KIRREL3: variants seen among roughly 807,000 people sequenced by gnomAD.
The protein encoded by KIRREL3 is kin of IRRE-like protein 3.
A neutral mutation model predicts 89.7 loss-of-function variants in KIRREL3; 36 were observed. That is an observed-to-expected ratio of 0.40 (90% CI 0.31 to 0.53). The LOEUF is 0.53. Among genes scored for constraint, KIRREL3 ranks in the 20% least tolerant of loss-of-function variants. KIRREL3 has a pLI of 0.49. For synonymous variants in KIRREL3, 445 were observed against 441.4 expected, an observed-to-expected ratio of 1.01 and a Z score of -0.10; for missense variants, 864 against 1,056.6, an observed-to-expected ratio of 0.82 and a Z score of 2.53.
Position 126,830,913 on chromosome 11 carries a change from C to G in KIRREL3, c.55+169542G>C, listed in dbSNP as rs117765996. ...GATGTTGCTTTATGGGCAAGGGGTA[C>G]GGCCACATATGCCTTCATTGATGTG... On this transcript the variant is annotated intron_variant, in intron 1 of 16. Coordinates refer to ENST00000525144, the MANE Select transcript of KIRREL3 (RefSeq NM_032531.4). The surrounding 1 kb of genome is among the most constrained non-coding windows in gnomAD (Gnocchi z 4.9). Among the ~76,000 whole-genome samples, 1 of 152,092 alleles carries G rather than the reference C, an allele frequency of 6.6e-6. No homozygotes were observed. The highest frequency in any genetic ancestry group is 1.5e-5 in the Non-Finnish European group (1 of 68,024).
intron 1 of KIRREL3, among the ~76,000 whole-genome samples, chr11:126,670,958 A>G (rs1945914708): frequency 6.6e-6 from 1 of 152,216 alleles, no homozygotes; most frequent in African/African-American, 2.4e-5. Context: ...TCAAGACAGT[A>G]TAATACTGGT....
chr11:126,452,227 C>T lies in KIRREL3; in HGVS notation c.849-3070G>A, dbSNP rs374116687. On this transcript the variant is annotated intron_variant, in intron 7 of 16. Coordinates refer to ENST00000525144, the MANE Select transcript of KIRREL3 (RefSeq NM_032531.4). ...AGAGCAAACCATATCTCCCTTAGAG[C>T]TTAAGGAGCTTCCCAACAAACCATT... 1.2e-4 allele frequency among the ~76,000 whole-genome samples: 19 copies of T among 152,368 alleles called. No homozygotes were observed. In the East Asian group the frequency reaches 3.1e-3, roughly 25 times the overall value.
intron 4 of KIRREL3, among the ~76,000 whole-genome samples, chr11:126,482,169 G>T: frequency 6.6e-6 from 1 of 152,208 alleles, no homozygotes; most frequent in Non-Finnish European, 1.5e-5. Flanking sequence ...CTCCTGAGTA[G>T]CTGGGATTAC....
rs746537426 is a variant in KIRREL3, at chr11:126,449,026, C to T, written c.980G>A (p.Arg327His). Reference protein sequence around the residue: ...TNALGSTNLSRTVDVYFGPRM... With the variant: ...TNALGSTNLSHTVDVYFGPRM... ...GCACTCACAGTAGACGTCAACCGTG[C>T]GGCTGAGGTTGGTGCTGCCCAGGGC... Residue 327 changes from arginine to histidine, a missense_variant, in exon 8 of 17, where the codon CGC becomes CAC. Transcript: ENST00000525144. 18 of 1,611,618 alleles carry T rather than the reference C, an allele frequency of 1.1e-5. 1 individual carries two copies. Among genetic ancestry groups the T allele is most frequent in the African/African-American group, 4.0e-5 (3 of 74,876 alleles).
intron 1 of KIRREL3, among the ~76,000 whole-genome samples, chr11:126,910,338 A>G (rs1430337381): frequency 1.3e-5 from 2 of 152,158 alleles, no homozygotes; most frequent in African/African-American, 4.8e-5. Context: ...GAGAGAAGGG[A>G]TCACTGGGGG....
At chr11:126,502,862 C>T (rs146181957) in intron 4 of KIRREL3, among the ~76,000 whole-genome samples, 6 of 152,270 alleles carry the variant, frequency 3.9e-5, no homozygotes, top group Admixed American at 1.3e-4. Context: ...CACCTGCCTT[C>T]GCCTTAATTA....
At position 126,797,566 on chromosome 11, in the gene KIRREL3, T is replaced by C. The variant is rs1396971316; in HGVS notation, c.55+202889A>G. Among the ~76,000 whole-genome samples, 1 of 152,104 alleles carries C rather than the reference T, an allele frequency of 6.6e-6. No homozygotes were observed. Among genetic ancestry groups the C allele is most frequent in the Non-Finnish European group, 1.5e-5 (1 of 68,010 alleles). On this transcript the variant is annotated intron_variant, in intron 1 of 16. Transcript: ENST00000525144. The surrounding 1 kb of genome is among the most constrained non-coding windows in gnomAD (Gnocchi z 4.9). ...GGGCACTAGAGTTTTATTAGTGGCT[T>C]ACCATGGCACTTAGTCCCAATCTAC...
At chr11:126,595,313 T>G (rs1942344175) in intron 1 of KIRREL3, among the ~76,000 whole-genome samples, 1 of 152,150 alleles carries the variant, frequency 6.6e-6, no homozygotes, top group Non-Finnish European at 1.5e-5. Context: ...GCTCCAGAGA[T>G]CCGGAGCTGA....
intron 1 of KIRREL3, among the ~76,000 whole-genome samples, chr11:126,584,536 G>C (rs184183675): frequency 6.6e-6 from 1 of 152,184 alleles, no homozygotes; most frequent in Non-Finnish European, 1.5e-5. Context: ...GGGTATGACC[G>C]AGCCTGGCTG....
At chr11:126,935,535 A>G (rs1031208629) in intron 1 of KIRREL3, 9 of 152,202 alleles carry the variant, frequency 5.9e-5, no homozygotes, top group African/African-American at 2.2e-4. Flanking sequence ...CAACTGGAAT[A>G]TTATTTGGTG....
At chr11:126,880,114 T>G (rs1286419741) in intron 1 of KIRREL3, among the ~76,000 whole-genome samples, 3 of 152,230 alleles carry the variant, frequency 2.0e-5, no homozygotes, top group African/African-American at 7.2e-5. Flanking sequence ...GTGCGAATTA[T>G]CCTTAAGTAT....
rs1947073241 is a variant in KIRREL3 at position 126,917,159 on chromosome 11, A to T, written c.55+83296T>A. 6.6e-6 allele frequency among the ~76,000 whole-genome samples: 1 copy of T among 152,236 alleles called. No homozygotes were observed. Among genetic ancestry groups the T allele is most frequent in the South Asian group, 2.1e-4 (1 of 4,828 alleles). On this transcript the variant is annotated intron_variant, in intron 1 of 16. Transcript: ENST00000525144. The surrounding 1 kb of genome is among the most constrained non-coding windows in gnomAD (Gnocchi z 5.0). ...CATTCTGATACACAGTATGTTAAAG[A>T]TTCACCTTGAAAATATTATGCTAAA...
intron 1 of KIRREL3, among the ~76,000 whole-genome samples, chr11:126,621,365 T>G (rs560040940): frequency 7.2e-5 from 11 of 152,308 alleles, no homozygotes; most frequent in African/African-American, 2.6e-4. Flanking sequence ...AAAATCAGGT[T>G]CCTCCAGGAA....
rs576273846 is a variant in KIRREL3 at position 126,527,769 on chromosome 11, C to T, written c.134-1082G>A. Among the ~76,000 whole-genome samples, 6 of 152,142 alleles carry T rather than the reference C, an allele frequency of 3.9e-5. No individual in the cohort carries two copies. The highest frequency in any genetic ancestry group is 2.1e-4 in the South Asian group (1 of 4,806). On this transcript the variant is annotated intron_variant, in intron 2 of 16. Coordinates refer to ENST00000525144, the MANE Select transcript of KIRREL3 (RefSeq NM_032531.4). This position sits in a 1 kb window ranked among gnomAD's most constrained non-coding sequence, Gnocchi z 4.2. ...CTAGTGGGAGTTGGGGTGGGTGGTGCGGTGAATCCAAGTCTTTCTGGCTCT... is the reference window on the plus strand; with the variant it reads ...CTAGTGGGAGTTGGGGTGGGTGGTGTGGTGAATCCAAGTCTTTCTGGCTCT...
chr11:126,711,427 T>C (rs1406159521), intron 1 of KIRREL3, among the ~76,000 whole-genome samples: 2 of 152,084 alleles, frequency 1.3e-5, no homozygotes, highest in African/African-American at 4.8e-5. Flanking sequence ...TGGGGGGTGG[T>C]GGCTCATGCC....
chr11:126,787,963 C>G (rs895393837), intron 1 of KIRREL3, among the ~76,000 whole-genome samples: 1 of 152,216 alleles, frequency 6.6e-6, no homozygotes, highest in African/African-American at 2.4e-5. Context: ...CCTCACAACT[C>G]TATGATGTAG....
In KIRREL3 at chr11:126,642,985, CCCATCCAT is replaced by C. The variant is rs372066492; in HGVS notation, c.56-80081_56-80074del. On this transcript the variant is annotated intron_variant, in intron 1 of 16. Transcript: ENST00000525144. This position sits in a 1 kb window ranked among gnomAD's most constrained non-coding sequence, Gnocchi z 4.9. Reference sequence around the variant, plus strand: ...GGTACTTTGGCCTCCCTTCTTCCCTCCCATCCATCCATCCATCCATCCATCCATCCATC... The same window carrying C: ...GGTACTTTGGCCTCCCTTCTTCCCTCCCATCCATCCATCCATCCATCCATC... Among the ~76,000 whole-genome samples the C allele has an allele frequency of 8.0e-5, 12 of 150,748 alleles. No individual in the cohort carries two copies. The East Asian group carries it at 1.8e-3, about 22-fold the overall frequency.
At chr11:126,456,307 G>A (rs969914816) in intron 7 of KIRREL3, 42 bp downstream of exon 7, 2 of 1,369,742 alleles carry the variant, frequency 1.5e-6, no homozygotes, top group African/African-American at 2.9e-5. Flanking sequence ...ACGGGGGTGG[G>A]GGCCAGTGGC....
At chr11:126,661,099 A>T (rs959624613) in intron 1 of KIRREL3, among the ~76,000 whole-genome samples, 1 of 152,198 alleles carries the variant, frequency 6.6e-6, no homozygotes, top group Non-Finnish European at 1.5e-5. Flanking sequence ...AAACCAAAAC[A>T]TACTAAGAAA....
Sources: gnomAD v4.1 joint callset for allele counts (sites outside exome capture counted in the v4.1 genomes callset) on GRCh38, gnomAD v4.1.1 for gene constraint, Gnocchi (gnomAD v3.1) non-coding constraint, MANE v1.5 for transcripts, NCBI Gene and HGNC (gene_info 2026-07-23, HGNC 2026-07-21) for gene names.